ZNF398: variants seen among roughly 807,000 people sequenced by gnomAD.
The protein encoded by ZNF398 is zinc finger protein 398, also known as zinc finger DNA binding protein ZER6.
Under a neutral mutation model 41.9 loss-of-function variants are expected in ZNF398, and 18 were observed. The observed-to-expected ratio is 0.43, with a 90% confidence interval of 0.30 to 0.64. ZNF398 has a LOEUF of 0.64. Ranked by LOEUF, ZNF398 falls within the 30% of genes least tolerant of loss-of-function variation. The pLI is 0.14. For missense variants in ZNF398, 669 were observed against 822.8 expected, an observed-to-expected ratio of 0.81 and a Z score of 2.29; for synonymous variants, 260 against 308.8, an observed-to-expected ratio of 0.84 and a Z score of 1.66.
At chr7:149,176,132 A>T (rs561787845) in intron 4 of ZNF398, among the ~76,000 whole-genome samples, 53 of 152,170 alleles carry the variant, frequency 3.5e-4, no homozygotes, top group African/African-American at 1.2e-3. Flanking sequence ...GGAGATCGAG[A>T]CCATCCTGGC....
rs1795235981 is a variant in ZNF398, at chr7:149,166,881, G to A, written c.612G>A (p.Glu204=). The A allele has an allele frequency of 1.9e-6, 3 of 1,613,214 alleles. No individual in the cohort carries two copies. The highest frequency in any genetic ancestry group is 4.5e-5 in the East Asian group (2 of 44,862). Residue 204 remains glutamate (E), a synonymous_variant, in exon 4 of 6, where the codon GAG becomes GAA. Coordinates refer to ENST00000475153, the MANE Select transcript of ZNF398 (RefSeq NM_170686.3). ...AACCAGAAGGGGAACATAATACAGA[G>A]GACCAGGCAGGGCCAGAGGAAAGTG... ...QIQPEGEHNT[E]DQAGPEESEI...
At chr7:149,156,016 G>A (rs1007703142) in intron 2 of ZNF398, among the ~76,000 whole-genome samples, 3 of 151,898 alleles carry the variant, frequency 2.0e-5, no homozygotes, top group African/African-American at 4.8e-5. Flanking sequence ...ATGAGCCACC[G>A]CGCCCGGCCA....
rs1795382614 is a variant in ZNF398 at position 149,173,091 on chromosome 7, C to CTTTTTTTTTTT, written c.662-3376_662-3375insTTTTTTTTTTT. The stretch of plus-strand genomic sequence containing the variant: ...AAGGTTGGGGTGGCTGTGGCAATTT[C>CTTTTTTTTTTT]TATTTTTTTTTTTTTTTTTTTTTTT... On this transcript the variant is annotated intron_variant, in intron 4 of 5. Transcript: ENST00000475153. Among the ~76,000 whole-genome samples, 13 of 67,182 alleles carry CTTTTTTTTTTT rather than the reference C, an allele frequency of 1.9e-4. 1 individual carries two copies. The highest frequency in any genetic ancestry group is 3.2e-4 in the African/African-American group (6 of 18,908). The allele number at this position is 67,182 out of a possible 152,430, so 44.1% of individuals were successfully genotyped here.
At chr7:149,156,094 A>AAGGGAGGAAATACTAAGGC (rs1794971144) in intron 2 of ZNF398, among the ~76,000 whole-genome samples, 1 of 152,014 alleles carries the variant, frequency 6.6e-6, no homozygotes, top group Non-Finnish European at 1.5e-5. Flanking sequence ...AGAACTGAAG[A>AAGGGAGGAAATACTAAGGC]AGGGAGGAAA....
upstream of ZNF398, among the ~76,000 whole-genome samples, chr7:149,145,725 T>A (rs2129519858): frequency 1.3e-5 from 2 of 152,230 alleles, no homozygotes; most frequent in Middle Eastern, 3.4e-3. Flanking sequence ...TTACAAACTC[T>A]AACCCCAAAT....
chr7:149,156,725 G>A (rs1345166130), intron 2 of ZNF398, among the ~76,000 whole-genome samples: 1 of 151,510 alleles, frequency 6.6e-6, no homozygotes, highest in Non-Finnish European at 1.5e-5. Flanking sequence ...GCTGGGCCTG[G>A]TGGCGCATAC....
chr7:149,132,959 A>G (rs961094455), intron 2 of ZNF398, among the ~76,000 whole-genome samples: 2 of 152,084 alleles, frequency 1.3e-5, no homozygotes, highest in African/African-American at 2.4e-5. Flanking sequence ...TTAAAAGGAA[A>G]GCTTTACCGA....
At position 149,180,016 on chromosome 7, in the gene ZNF398, A is replaced by G; in HGVS notation, c.*215A>G. The G allele has an allele frequency of 2.1e-6, 1 of 472,558 alleles. No homozygotes were observed. Among genetic ancestry groups the G allele is most frequent in the Non-Finnish European group, 3.7e-6 (1 of 270,360 alleles). 29.3% of individuals were successfully genotyped at this position (472,558 alleles called of 1,614,324 possible). ...TTTTGAAACCCAGAAAGACCTGGAA[A>G]GGAGCCCAGCATGTCCATCTTTTCA... On this transcript the variant is annotated 3_prime_UTR_variant, in exon 6 of 6. Coordinates refer to ENST00000475153, the MANE Select transcript of ZNF398 (RefSeq NM_170686.3).
chr7:149,136,277 G>A (rs114306111), intron 2 of ZNF398, among the ~76,000 whole-genome samples: 4,450 of 152,116 alleles, frequency 0.029, 217 homozygotes, highest in African/African-American at 0.1. Context: ...GTTGCAGAGC[G>A]GCCAGGCAGA....
chr7:149,140,149 G>C (rs1334701997), intron 2 of ZNF398, among the ~76,000 whole-genome samples: 1 of 152,006 alleles, frequency 6.6e-6, no homozygotes, highest in Non-Finnish European at 1.5e-5. Context: ...TAATTATTGA[G>C]GATTACGAAA....
intron 2 of ZNF398, among the ~76,000 whole-genome samples, chr7:149,161,400 T>C (rs75325927): frequency 0.036 from 5,462 of 152,128 alleles, 316 homozygotes; most frequent in African/African-American, 0.12. Context: ...AAAAATTATG[T>C]TTCTAAAGAT....
intron 1 of ZNF398, among the ~76,000 whole-genome samples, chr7:149,152,332 G>T (rs1428831290): frequency 6.7e-6 from 1 of 149,780 alleles, no homozygotes; most frequent in Non-Finnish European, 1.5e-5. Flanking sequence ...GCGAAGTTGG[G>T]TTGCTGTAAG....
intron 2 of ZNF398, among the ~76,000 whole-genome samples, chr7:149,164,224 G>A (rs537527219): frequency 3.3e-4 from 50 of 151,524 alleles, no homozygotes; most frequent in Admixed American, 1.7e-3. Flanking sequence ...TGGCTAACAC[G>A]GTGAAACCCC....
Position 149,181,615 on chromosome 7 carries a change from A to C in ZNF398, c.*1814A>C, listed in dbSNP as rs1311791235. 6.6e-6 allele frequency: 1 copy of C among 152,230 alleles called. No homozygotes were observed. The highest frequency in any genetic ancestry group is 2.4e-5 in the African/African-American group (1 of 41,462). 9.4% of individuals were successfully genotyped at this position (152,230 alleles called of 1,614,324 possible). A position where few individuals can be genotyped will look rare whatever the true frequency, so the allele number is the denominator to read the frequency against. ...GCTTCTGGGAAGGCTATGTCTGAAC[A>C]TGTTGCTCTGTAGGATAATCACACT... On this transcript the variant is annotated 3_prime_UTR_variant, in exon 6 of 6. Transcript: ENST00000475153.
rs1795565727 is a variant in ZNF398, at chr7:149,180,401, G to A, written c.*600G>A. On this transcript the variant is annotated 3_prime_UTR_variant, in exon 6 of 6. Transcript: ENST00000475153. Reference sequence around the variant, plus strand: ...CAAGACTGCCTGCCTAGGTTTCTTAGATTAATTATTCACATAAATTTTGTT... The same window carrying A: ...CAAGACTGCCTGCCTAGGTTTCTTAAATTAATTATTCACATAAATTTTGTT... 6.6e-6 allele frequency: 1 copy of A among 152,182 alleles called. No homozygotes were observed. The highest frequency in any genetic ancestry group is 2.4e-5 in the African/African-American group (1 of 41,442). The allele number at this position is 152,182 out of a possible 1,614,324, so 9.4% of individuals were successfully genotyped here. A position where few individuals can be genotyped will look rare whatever the true frequency, so the allele number is the denominator to read the frequency against.
intron 2 of ZNF398, among the ~76,000 whole-genome samples, chr7:149,130,204 C>T (rs1826570178): frequency 6.6e-6 from 1 of 152,130 alleles, no homozygotes; most frequent in South Asian, 2.1e-4. Context: ...CAAGCGACTC[C>T]CCCACCTCAG....
At chr7:149,152,643 T>C (rs1794874040) in intron 1 of ZNF398, among the ~76,000 whole-genome samples, 1 of 151,492 alleles carries the variant, frequency 6.6e-6, no homozygotes, top group African/African-American at 2.4e-5. Context: ...CTCGGCTCAC[T>C]GAAACCTCGG....
intron 2 of ZNF398, among the ~76,000 whole-genome samples, chr7:149,134,531 G>A (rs531184678): frequency 6.6e-6 from 1 of 152,230 alleles, no homozygotes; most frequent in African/African-American, 2.4e-5. Context: ...GACTACAGAT[G>A]TGAGCCACAG....
intron 1 of ZNF398, among the ~76,000 whole-genome samples, chr7:149,150,963 G>C (rs1460641613): frequency 6.6e-6 from 1 of 152,200 alleles, no homozygotes; most frequent in East Asian, 1.9e-4. Context: ...ACCTGTCTCA[G>C]CCTTGCAAAG....
Sources: allele counts gnomAD v4.1 joint callset (sites outside exome capture counted in the v4.1 genomes callset), GRCh38; gene constraint gnomAD v4.1.1; transcripts MANE v1.5; gene names NCBI Gene and HGNC (gene_info 2026-07-23, HGNC 2026-07-21).